The following TENM3 variants were observed in gnomAD, a reference collection of about 807,000 sequenced individuals.
TENM3 encodes the protein teneurin transmembrane protein 3.
TENM3 carries 63 observed loss-of-function variants against 255.1 expected under a neutral mutation model. The ratio of observed to expected loss-of-function variants is 0.25; its 90% CI spans 0.20 to 0.30. The LOEUF is 0.30. TENM3 is among the 10% of genes least tolerant of loss of function. The pLI is 1.00. For missense variants in TENM3, 2,929 were observed against 3,461.1 expected, an observed-to-expected ratio of 0.85 and a Z score of 3.86; for synonymous variants, 1,306 against 1,322.3, an observed-to-expected ratio of 0.99 and a Z score of 0.27.
intron 12 of TENM3, 96 bp downstream of exon 12, chr4:182,688,447 G>T: frequency 1.0e-6 from 1 of 990,556 alleles, no homozygotes; most frequent in Non-Finnish European, 1.4e-6. Context: ...ATTTCTTTAC[G>T]TTATTTTTTA....
the TENM3 span, among the ~76,000 whole-genome samples, chr4:182,071,239 C>A: frequency 6.6e-6 from 1 of 152,148 alleles, no homozygotes; most frequent in African/African-American, 2.4e-5. Flanking sequence ...CGTAAACTCA[C>A]ACTAGAGCTT....
the TENM3 span, among the ~76,000 whole-genome samples, chr4:181,979,521 G>A: frequency 2.0e-5 from 3 of 152,190 alleles, no homozygotes; most frequent in Admixed American, 2.0e-4. Context: ...TCTGAGCGGA[G>A]AGGTGAAACC....
At chr4:182,652,577 C>CAA (rs1753407304) in intron 5 of TENM3, among the ~76,000 whole-genome samples, 1 of 152,042 alleles carries the variant, frequency 6.6e-6, no homozygotes. Context: ...GTAATTTATC[C>CAA]AAGGCTAAAT....
At chr4:181,788,228 A>G in the TENM3 span, among the ~76,000 whole-genome samples, 1 of 152,220 alleles carries the variant, frequency 6.6e-6, no homozygotes, top group Non-Finnish European at 1.5e-5. Context: ...GATGATGATT[A>G]TCATCATCCC....
chr4:181,936,131 C>T, the TENM3 span, among the ~76,000 whole-genome samples: 8 of 152,120 alleles, frequency 5.3e-5, no homozygotes, highest in Admixed American at 3.9e-4. Context: ...GTGGCTCACA[C>T]CTGTAATCCT....
the TENM3 span, among the ~76,000 whole-genome samples, chr4:181,688,129 C>A: frequency 6.6e-6 from 1 of 152,052 alleles, no homozygotes; most frequent in Non-Finnish European, 1.5e-5. Flanking sequence ...GAATGAACTC[C>A]CTTAATTTTG....
the TENM3 span, among the ~76,000 whole-genome samples, chr4:182,096,240 G>A: frequency 9.9e-4 from 150 of 152,148 alleles, 1 homozygote; most frequent in African/African-American, 3.3e-3. Context: ...GAGTGAAGAA[G>A]GCCCCACTGT....
At chr4:181,802,830 C>T in the TENM3 span, among the ~76,000 whole-genome samples, 5 of 152,174 alleles carry the variant, frequency 3.3e-5, no homozygotes, top group Admixed American at 2.0e-4. Flanking sequence ...CCTTAAATTC[C>T]GTTTTATGCA....
intron 3 of TENM3, among the ~76,000 whole-genome samples, chr4:182,466,716 C>A (rs774916110): frequency 6.6e-6 from 1 of 151,974 alleles, no homozygotes. Context: ...ACCAATTATA[C>A]GCCAAGGACC....
At chr4:182,351,329 A>G (rs1765167055) in intron 3 of TENM3, among the ~76,000 whole-genome samples, 1 of 152,234 alleles carries the variant, frequency 6.6e-6, no homozygotes, top group Non-Finnish European at 1.5e-5. Flanking sequence ...ATGTTTGCGT[A>G]TGCATCGCTT....
the TENM3 span, among the ~76,000 whole-genome samples, chr4:182,029,095 C>T: frequency 1.8e-4 from 27 of 152,056 alleles, no homozygotes; most frequent in African/African-American, 6.0e-4. Context: ...AGGAAGCAAA[C>T]GTCTGGCATC....
intron 1 of TENM3, among the ~76,000 whole-genome samples, chr4:182,196,242 T>C (rs1023765783): frequency 1.3e-5 from 2 of 152,090 alleles, no homozygotes; most frequent in Non-Finnish European, 1.5e-5. Context: ...CGCTTGAAGA[T>C]CCAAACCAGT....
rs184905127 is a variant in TENM3, at chr4:182,685,971, G to A, written c.2036-2195G>A. ...TGTTCATTAAAAGATTAAATTGGCT[G>A]CCAAAAATCACACATCATTATTTTA... On this transcript the variant is annotated intron_variant, in intron 11 of 27. Coordinates refer to ENST00000511685, the MANE Select transcript of TENM3 (RefSeq NM_001080477.4). Among the ~76,000 whole-genome samples, 3 of 152,070 alleles carry A rather than the reference G, an allele frequency of 2.0e-5. No individual in the cohort carries two copies. The East Asian group carries it at 5.8e-4, about 29-fold the overall frequency.
At chr4:182,042,454 A>G in the TENM3 span, among the ~76,000 whole-genome samples, 6 of 152,180 alleles carry the variant, frequency 3.9e-5, no homozygotes, top group South Asian at 4.1e-4. Context: ...TGTCCAGAAG[A>G]TCCAGTGTCC....
chr4:182,563,550 T>C (rs1743448170), intron 3 of TENM3, among the ~76,000 whole-genome samples: 1 of 152,206 alleles, frequency 6.6e-6, no homozygotes, highest in Non-Finnish European at 1.5e-5. Context: ...TATTATTAAA[T>C]AATTATCCCT....
At chr4:182,161,673 ATG>A (rs1554023500) in intron 1 of TENM3, among the ~76,000 whole-genome samples, 3 of 60,030 alleles carry the variant, frequency 5.0e-5, no homozygotes, top group East Asian at 1.9e-3. Context: ...AAATATATAT[ATG>A]TATATATATA....
chr4:182,219,344 G>C (rs962303536), intron 1 of TENM3, among the ~76,000 whole-genome samples: 2 of 152,178 alleles, frequency 1.3e-5, no homozygotes, highest in Non-Finnish European at 2.9e-5. Context: ...AAATACATTT[G>C]CTCAAAACCA....
chr4:182,326,620 C>G (rs1350003447), intron 2 of TENM3, among the ~76,000 whole-genome samples: 2 of 152,170 alleles, frequency 1.3e-5, no homozygotes, highest in Non-Finnish European at 2.9e-5. Flanking sequence ...CTGCAGCCTA[C>G]AGCTCCTGGG....
intron 1 of TENM3, among the ~76,000 whole-genome samples, chr4:182,282,892 CAGAAAAAAAAA>C (rs1204335074): frequency 5.6e-5 from 5 of 89,370 alleles, no homozygotes; most frequent in African/African-American, 2.0e-4. Flanking sequence ...GACTCCATTT[CAGAAAAAAAAA>C]AAAAAAAAAA....
Sources: gnomAD v4.1 joint callset for allele counts (sites outside exome capture counted in the v4.1 genomes callset) on GRCh38, gnomAD v4.1.1 for gene constraint, MANE v1.5 for transcripts, NCBI Gene and HGNC (gene_info 2026-07-23, HGNC 2026-07-21) for gene names.